DDB2: variants seen among roughly 807,000 people sequenced by gnomAD.
The protein encoded by DDB2 is DNA damage-binding protein 2.
DDB2 carries 27 observed loss-of-function variants against 50.5 expected under a neutral mutation model. The observed-to-expected ratio is 0.53, with a 90% confidence interval of 0.39 to 0.74. The LOEUF (loss-of-function observed/expected upper bound fraction) is 0.74. Among genes scored for constraint, DDB2 ranks in the 30% least tolerant of loss-of-function variants. The pLI, the probability that DDB2 is intolerant of heterozygous loss-of-function variation, is 0.00. For missense variants in DDB2, 424 were observed against 545.6 expected (o/e 0.78, Z 2.22); for synonymous variants, 176 against 205.5 (o/e 0.86, Z 1.23).
intron 7 of DDB2, chr11:47,235,618 G>A (rs991537003): frequency 1.8e-5 from 11 of 608,744 alleles, no homozygotes; most frequent in Admixed American, 1.1e-4. Flanking sequence ...TTTCTGTCTC[G>A]CTGATAAGAT....
intron 4 of DDB2, among the ~76,000 whole-genome samples, chr11:47,233,709 CAAAAAAA>C (rs10544942): frequency 2.2e-4 from 31 of 140,532 alleles, no homozygotes; most frequent in Non-Finnish European, 4.3e-4. Flanking sequence ...AAATCTATCT[CAAAAAAA>C]AAAAAAAAAA....
In DDB2 at chr11:47,234,601, G is replaced by T. The variant is rs1214298244; in HGVS notation, c.631G>T (p.Ala211Ser). The T allele has an allele frequency of 3.7e-5, 59 of 1,614,006 alleles. No individual in the cohort carries two copies. Among genetic ancestry groups the T allele is most frequent in the Non-Finnish European group, 4.9e-5 (58 of 1,180,032 alleles). Residue 211 changes from alanine (A) to serine (S), a missense_variant, in exon 5 of 10, where the codon GCT (alanine) becomes TCT (serine). Physicochemically the swap from Ala to Ser is moderately conservative, Grantham distance 99. Transcript: ENST00000256996. ...NIWFCSLDVS[A>S]SSRMVVTGDN... is the part of the protein sequence containing the mutation. ...CTGGTTTTGTAGCCTGGATGTGTCT[G>T]CTAGTAGCCGAATGGTGGTCACAGG...
upstream of DDB2, chr11:47,214,857 A>C: frequency 2.0e-6 from 1 of 497,594 alleles, no homozygotes; most frequent in Non-Finnish European, 3.7e-6. Context: ...GCCCTGGCGC[A>C]GTTCCCGCCC....
chr11:47,228,977 A>ATATCTATCTCTC (rs1953602796), intron 3 of DDB2, among the ~76,000 whole-genome samples: 1 of 124,660 alleles, frequency 8.0e-6, no homozygotes, highest in Non-Finnish European at 1.6e-5. Context: ...AAAAAAAGAA[A>ATATCTATCTCTC]TATCTATCTA....
At chr11:47,214,798 C>T (rs1479600518), upstream of DDB2, 8 of 391,106 alleles carry the variant, frequency 2.0e-5, no homozygotes, top group Non-Finnish European at 3.9e-5. Context: ...TCCATAAAGC[C>T]GGGGACCATC....
At chr11:47,230,159 GAC>G (rs1361465914) in intron 3 of DDB2, among the ~76,000 whole-genome samples, 2 of 150,498 alleles carry the variant, frequency 1.3e-5, no homozygotes, top group Non-Finnish European at 3.0e-5. Flanking sequence ...AAAAATTGGT[GAC>G]ACACACCTAT....
At chr11:47,216,180 TG>T in intron 1 of DDB2, 155 bp from the exon 2 acceptor site, 1 of 1,089,484 alleles carries the variant, frequency 9.2e-7, no homozygotes, top group Non-Finnish European at 1.4e-6. Context: ...TTTTTATTTC[TG>T]GTGCTCGTTG....
In DDB2 at chr11:47,217,036, C is replaced by G. The variant is rs750530703; in HGVS notation, c.443C>G (p.Thr148Ser). The stretch of plus-strand genomic sequence containing the variant: ...AATTTTGGCATCAAGGACAAACCCA[C>G]CTTCATCAAAGGGGTGAGCAGTTCC... ...LWNFGIKDKP[T>S]FIKGIGAGGS... is the part of the protein sequence containing the mutation. Residue 148 changes from threonine (T) to serine (S), a missense_variant, in exon 3 of 10, where the codon ACC becomes AGC. Thr to Ser is a moderately conservative substitution (Grantham distance 58). Transcript: ENST00000256996. 1 of 1,613,990 alleles carries G rather than the reference C, an allele frequency of 6.2e-7. No individual in the cohort carries two copies. Among genetic ancestry groups the G allele is most frequent in the South Asian group, 1.1e-5 (1 of 91,084 alleles).
chr11:47,231,693 TTG>T (rs1953652422), intron 3 of DDB2, among the ~76,000 whole-genome samples: 2 of 151,474 alleles, frequency 1.3e-5, no homozygotes, highest in African/African-American at 4.9e-5. Context: ...TAAATTTTTT[TTG>T]TGTGTGTAGA....
intron 3 of DDB2, chr11:47,229,736 A>G (rs998996262): frequency 1.8e-5 from 7 of 395,640 alleles, no homozygotes; most frequent in African/African-American, 8.7e-5. Flanking sequence ...TTGTGAAGCA[A>G]TCTGATTGCA....
At chr11:47,214,837 G>A, upstream of DDB2, 2 of 469,252 alleles carry the variant, frequency 4.3e-6, no homozygotes, top group Non-Finnish European at 7.8e-6. Flanking sequence ...GCTGACCCGG[G>A]CTGGCACTGG....
chr11:47,218,509 A>C (rs1405420492), intron 3 of DDB2, among the ~76,000 whole-genome samples: 2 of 152,190 alleles, frequency 1.3e-5, no homozygotes, highest in Non-Finnish European at 2.9e-5. Flanking sequence ...AGATAAATGG[A>C]GAGAAAAGAA....
intron 9 of DDB2, 75 bp downstream of exon 9, chr11:47,238,258 GC>G: frequency 7.5e-7 from 1 of 1,335,970 alleles, no homozygotes. Flanking sequence ...GCCAGCCTCA[GC>G]CCCGCCCTGC....
At chr11:47,228,614 G>A (rs1953593389) in intron 3 of DDB2, among the ~76,000 whole-genome samples, 1 of 148,874 alleles carries the variant, frequency 6.7e-6, no homozygotes, top group African/African-American at 2.5e-5. Context: ...CTGCACTCCA[G>A]CCTGGGCAAC....
intron 7 of DDB2, among the ~76,000 whole-genome samples, chr11:47,237,429 T>C (rs1953743220): frequency 6.6e-6 from 1 of 151,316 alleles, no homozygotes; most frequent in African/African-American, 2.4e-5. Flanking sequence ...TACTGGCAAA[T>C]ACTACTTTTT....
At chr11:47,222,246 T>C (rs1345489943) in intron 3 of DDB2, among the ~76,000 whole-genome samples, 1 of 152,234 alleles carries the variant, frequency 6.6e-6, no homozygotes, top group South Asian at 2.1e-4. Context: ...TATATATAAA[T>C]AGAATCATAG....
At chr11:47,218,902 A>T (rs1032042676) in intron 3 of DDB2, among the ~76,000 whole-genome samples, 4 of 152,184 alleles carry the variant, frequency 2.6e-5, no homozygotes, top group African/African-American at 9.7e-5. Context: ...TTTAAAAAAA[A>T]TTGTAAAATA....
Position 47,222,118 on chromosome 11 carries a change from T to C in DDB2, c.456+5069T>C, listed in dbSNP as rs534061997. Among the ~76,000 whole-genome samples, 6 of 152,324 alleles carry C rather than the reference T, an allele frequency of 3.9e-5. No homozygotes were observed. In the South Asian group the frequency reaches 1.0e-3, roughly 26 times the overall value. On this transcript the variant is annotated intron_variant, in intron 3 of 9. Transcript: ENST00000256996. ...CCTTTGTTGAATATTTGGAGAGTGATAGATAGATGAGTTATCTATGCCCCT... is the reference window on the plus strand; with the variant it reads ...CCTTTGTTGAATATTTGGAGAGTGACAGATAGATGAGTTATCTATGCCCCT...
chr11:47,228,977 A>AT (rs1554974378), intron 3 of DDB2, among the ~76,000 whole-genome samples: 4 of 124,690 alleles, frequency 3.2e-5, no homozygotes, highest in South Asian at 5.4e-4. Context: ...AAAAAAAGAA[A>AT]TATCTATCTA....
Sources: gnomAD v4.1 joint callset for allele counts (sites outside exome capture counted in the v4.1 genomes callset) on GRCh38, gnomAD v4.1.1 for gene constraint, MANE v1.5 for transcripts, NCBI Gene and HGNC (gene_info 2026-07-23, HGNC 2026-07-21) for gene names.